The following IGBP1 variants were observed in gnomAD, a reference collection of about 807,000 sequenced individuals.
The protein encoded by IGBP1 is immunoglobulin-binding protein 1.
A neutral mutation model predicts 25.9 loss-of-function variants in IGBP1; 2 were observed. The observed-to-expected ratio is 0.08, with a 90% CI of 0.03 to 0.24. IGBP1 has a LOEUF of 0.24. Among genes scored for constraint, IGBP1 ranks in the 10% least tolerant of loss-of-function variants. IGBP1 has a pLI of 1.00. For synonymous variants in IGBP1, 96 were observed against 93.4 expected, an observed-to-expected ratio of 1.03 and a Z score of -0.16; for missense variants, 187 against 260.4, an observed-to-expected ratio of 0.72 and a Z score of 1.94.
intron 6 of IGBP1, among the ~76,000 whole-genome samples, chrX:70,151,739 G>A (rs1191218742): frequency 9.1e-6 from 1 of 109,936 alleles, no homozygotes; most frequent in Non-Finnish European, 1.9e-5. Context: ...CCAGCCGAGC[G>A]TAGTGGTATG....
chrX:70,154,871 T>A (rs2085229658), intron 6 of IGBP1, among the ~76,000 whole-genome samples: 1 of 109,660 alleles, frequency 9.1e-6, no homozygotes, highest in African/African-American at 3.3e-5. Context: ...CACTCCAGCC[T>A]GCGTGATAGA....
At chrX:70,154,668 G>C (rs1233469064) in intron 6 of IGBP1, among the ~76,000 whole-genome samples, 1 of 77,673 alleles carries the variant, frequency 1.3e-5, no homozygotes, top group African/African-American at 4.9e-5. Flanking sequence ...CCCTTGAGCC[G>C]AGGAGTTCAA....
rs61755732 is a variant in IGBP1 at position 70,146,758 on chromosome X, T to C, written c.608T>C (p.Ile203Thr). 6,545 of 1,172,798 alleles carry C rather than the reference T, an allele frequency of 5.6e-3. 11 individuals carry two copies. The highest frequency in any genetic ancestry group is 6.9e-3 in the Non-Finnish European group (5,943 of 864,622). Residue 203 changes from isoleucine to threonine, a missense_variant, in exon 4 of 7, where the codon ATC becomes ACC. Coordinates refer to ENST00000356413, the MANE Select transcript of IGBP1 (RefSeq NM_001551.3). ...CTTCACCTTCAGAGGTGGATTGATA[T>C]CAGCTTAGAAGAGATTGAGAGCATT... Reference protein sequence around the residue: ...YLLHLQRWIDISLEEIESIDQ... With the variant: ...YLLHLQRWIDTSLEEIESIDQ...
At chrX:70,162,889 G>A (rs1275993516) in intron 6 of IGBP1, among the ~76,000 whole-genome samples, 2 of 110,837 alleles carry the variant, frequency 1.8e-5, no homozygotes, top group African/African-American at 3.3e-5. Flanking sequence ...CAGGAGAATC[G>A]CTTGAGCCCA....
rs186971814 is a variant in IGBP1 at position 70,148,299 on chromosome X, C to A, written c.679-462C>A. On this transcript the variant is annotated intron_variant, in intron 4 of 6. Transcript: ENST00000356413. ...AATCCTTCTCCCTTTCCTTTGGGAA[C>A]ATTGACTTCTAAAGCACCGTAGAAG... Among the ~76,000 whole-genome samples, 489 of 111,762 alleles carry A rather than the reference C, an allele frequency of 4.4e-3. 3 individuals carry two copies. The highest frequency in any genetic ancestry group is 0.015 in the African/African-American group (450 of 30,746).
intron 3 of IGBP1, among the ~76,000 whole-genome samples, chrX:70,135,632 C>T (rs143382806): frequency 9.0e-6 from 1 of 111,289 alleles, no homozygotes; most frequent in East Asian, 2.8e-4. Context: ...GGGCATTAGC[C>T]GGCAGAGTAT....
chrX:70,145,134 G>C (rs959309241), intron 3 of IGBP1, among the ~76,000 whole-genome samples: 6 of 110,204 alleles, frequency 5.4e-5, no homozygotes, highest in African/African-American at 2.0e-4. Context: ...ACTCTCTGTG[G>C]ACTTCAGCTT....
intron 6 of IGBP1, among the ~76,000 whole-genome samples, chrX:70,154,665 G>T (rs1265040495): frequency 1.2e-5 from 1 of 80,547 alleles, no homozygotes; most frequent in Non-Finnish European, 2.2e-5. Context: ...GATCCCTTGA[G>T]CCGAGGAGTT....
chrX:70,145,033 CAAAAAAA>C (rs779060279), intron 3 of IGBP1, among the ~76,000 whole-genome samples: 34 of 95,432 alleles, frequency 3.6e-4, no homozygotes, highest in Non-Finnish European at 5.9e-4. Context: ...ATTTCTCAGC[CAAAAAAA>C]AAAAGAAGAA....
At chrX:70,138,734 C>G (rs1465622411) in intron 3 of IGBP1, among the ~76,000 whole-genome samples, 1 of 111,244 alleles carries the variant, frequency 9.0e-6, no homozygotes, top group Non-Finnish European at 1.9e-5. Context: ...AGCATTTCCT[C>G]GTGTCTTTTG....
intron 5 of IGBP1, among the ~76,000 whole-genome samples, chrX:70,149,184 C>T (rs1329456006): frequency 3.7e-5 from 4 of 107,363 alleles, no homozygotes; most frequent in Non-Finnish European, 5.8e-5. Context: ...GCCGAGATCG[C>T]GCCATTGCAC....
At position 70,148,786 on chromosome X, in the gene IGBP1, A is replaced by G. The variant is rs373483376; in HGVS notation, c.704A>G (p.Gln235Arg). The G allele has an allele frequency of 2.5e-6, 3 of 1,203,287 alleles. No individual in the cohort carries two copies. The highest frequency in any genetic ancestry group is 3.0e-5 in the East Asian group (1 of 33,763). Residue 235 changes from glutamine (Q) to arginine (R), a missense_variant, in exon 5 of 7, where the codon CAG becomes CGG. Gln to Arg is a conservative substitution (Grantham distance 43). Transcript: ENST00000356413. ...GCATCAACTTCTAACTCATCTCGCCAGGAGAGGCCTCCAGTGAAACCCTTC... is the reference window on the plus strand; with the variant it reads ...GCATCAACTTCTAACTCATCTCGCCGGGAGAGGCCTCCAGTGAAACCCTTC... ...REASTSNSSR[Q>R]ERPPVKPFIL...
intron 3 of IGBP1, among the ~76,000 whole-genome samples, chrX:70,141,239 C>T (rs750073563): frequency 2.7e-5 from 3 of 109,750 alleles, no homozygotes; most frequent in African/African-American, 6.6e-5. Flanking sequence ...CCCAGCTACT[C>T]GGGAGGCTGT....
At chrX:70,145,470 C>T (rs2085160212) in intron 3 of IGBP1, among the ~76,000 whole-genome samples, 1 of 111,321 alleles carries the variant, frequency 9.0e-6, no homozygotes, top group Admixed American at 9.7e-5. Flanking sequence ...CCATACTCCA[C>T]ACAACAGCCA....
At chrX:70,160,660 G>A (rs1339833704) in intron 6 of IGBP1, among the ~76,000 whole-genome samples, 1 of 112,240 alleles carries the variant, frequency 8.9e-6, no homozygotes, top group East Asian at 2.8e-4. Context: ...GGTAGCAAGC[G>A]TTAAATGTAC....
At chrX:70,164,395 G>A (rs2085286371) in intron 6 of IGBP1, among the ~76,000 whole-genome samples, 1 of 112,142 alleles carries the variant, frequency 8.9e-6, no homozygotes, top group African/African-American at 3.2e-5. Context: ...CTGGGGGCAG[G>A]GAGGGAAGGA....
At chrX:70,162,562 AAG>A (rs2085276258) in intron 6 of IGBP1, among the ~76,000 whole-genome samples, 1 of 112,633 alleles carries the variant, frequency 8.9e-6, no homozygotes. Context: ...GTATTAATGT[AAG>A]AGGTTGATGA....
rs187783897 is a variant in IGBP1, at chrX:70,143,123, C to T, written c.483-3510C>T. 2.3e-3 allele frequency among the ~76,000 whole-genome samples: 251 copies of T among 110,479 alleles called. 1 individual carries two copies. The highest frequency in any genetic ancestry group is 8.1e-3 in the African/African-American group (245 of 30,377). The stretch of plus-strand genomic sequence containing the variant: ...ACTTTCAGTAGAGGTGGGGTTTCAC[C>T]GTGTTAGCCAGGATGGTCTCGATCT... On this transcript the variant is annotated intron_variant, in intron 3 of 6. Coordinates refer to ENST00000356413, the MANE Select transcript of IGBP1 (RefSeq NM_001551.3).
intron 3 of IGBP1, among the ~76,000 whole-genome samples, chrX:70,144,286 G>T (rs2085151168): frequency 8.9e-6 from 1 of 112,234 alleles, no homozygotes; most frequent in South Asian, 3.6e-4. Context: ...CCTTAAGCAT[G>T]CAGAGAATGG....
Sources: gnomAD v4.1 joint callset for allele counts (sites outside exome capture counted in the v4.1 genomes callset) on GRCh38, gnomAD v4.1.1 for gene constraint, MANE v1.5 for transcripts, NCBI Gene and HGNC (gene_info 2026-07-23, HGNC 2026-07-21) for gene names.